The following CSMD1 variants were observed in gnomAD, a reference collection of about 807,000 sequenced individuals.
CSMD1 encodes the protein CUB and Sushi multiple domains 1.
CSMD1 carries 213 observed loss-of-function variants against 417.5 expected under a neutral mutation model. That is an observed-to-expected ratio of 0.51 (90% CI 0.46 to 0.57). CSMD1 has a LOEUF of 0.57. CSMD1 is among the 20% of genes least tolerant of loss of function. The probability of loss-of-function intolerance (pLI) is 0.00; values close to 1 mark genes in which losing one functional copy is unlikely to be tolerated. For synonymous variants in CSMD1, 2,862 were observed against 1,736.8 expected, an observed-to-expected ratio of 1.65 and a Z score of -16.11; for missense variants, 6,923 against 4,529.7, an observed-to-expected ratio of 1.53 and a Z score of -15.17.
chr8:4,111,293 G>A (rs1461771337), intron 3 of CSMD1, among the ~76,000 whole-genome samples: 1 of 152,108 alleles, frequency 6.6e-6, no homozygotes, highest in Non-Finnish European at 1.5e-5. Context: ...AATCTTATGA[G>A]CAGAAGAATC....
At chr8:3,899,418 T>A (rs1014996721) in intron 5 of CSMD1, among the ~76,000 whole-genome samples, 1 of 152,186 alleles carries the variant, frequency 6.6e-6, no homozygotes, top group Non-Finnish European at 1.5e-5. Context: ...TACTTCAACA[T>A]GTTGGCCACA....
intron 33 of CSMD1, among the ~76,000 whole-genome samples, chr8:3,197,069 A>G (rs182244294): frequency 1.3e-5 from 2 of 152,342 alleles, no homozygotes; most frequent in East Asian, 3.9e-4. Flanking sequence ...CAGCAATTGC[A>G]TAGAGTAACT....
intron 65 of CSMD1, among the ~76,000 whole-genome samples, chr8:2,953,712 C>G (rs930219369): frequency 6.6e-6 from 1 of 152,128 alleles, no homozygotes; most frequent in Non-Finnish European, 1.5e-5. Context: ...ATGCTTTTAG[C>G]AAAAGGTGCC....
chr8:3,613,533 T>A (rs193296460), intron 8 of CSMD1, among the ~76,000 whole-genome samples: 28 of 151,820 alleles, frequency 1.8e-4, no homozygotes, highest in Admixed American at 1.2e-3. Context: ...AATTCAACAA[T>A]CCATAAAAAG....
chr8:3,104,829 A>C (rs1407155236), intron 46 of CSMD1, among the ~76,000 whole-genome samples: 4 of 150,500 alleles, frequency 2.7e-5, no homozygotes, highest in Non-Finnish European at 4.4e-5. Context: ...TGACTCAGCC[A>C]CCTGAGTAGC....
intron 3 of CSMD1, among the ~76,000 whole-genome samples, chr8:4,075,848 C>A (rs141621184): frequency 6.6e-6 from 1 of 152,098 alleles, no homozygotes; most frequent in Admixed American, 6.6e-5. Flanking sequence ...AGGCTATTGT[C>A]CTCAGGGAGC....
At chr8:4,404,694 A>G (rs906282602) in intron 3 of CSMD1, among the ~76,000 whole-genome samples, 15 of 152,112 alleles carry the variant, frequency 9.9e-5, no homozygotes, top group Admixed American at 7.2e-4. Context: ...TGTTTATAAT[A>G]TTAATATTTA....
At chr8:4,302,042 C>T (rs1798005589) in intron 3 of CSMD1, among the ~76,000 whole-genome samples, 1 of 152,140 alleles carries the variant, frequency 6.6e-6, no homozygotes, top group Non-Finnish European at 1.5e-5. Flanking sequence ...TTTGAAATCC[C>T]TAATTTTTTC....
chr8:4,369,765 G>A (rs1305315126), intron 3 of CSMD1, among the ~76,000 whole-genome samples: 2 of 152,024 alleles, frequency 1.3e-5, no homozygotes, highest in African/African-American at 4.8e-5. Context: ...ACTCCTGTTT[G>A]TTCATTTTCT....
chr8:4,799,501 G>A (rs918897815), intron 1 of CSMD1, among the ~76,000 whole-genome samples: 4 of 148,504 alleles, frequency 2.7e-5, no homozygotes, highest in African/African-American at 7.4e-5. Context: ...CTAGAGCCTG[G>A]GGCAGGAGAA....
At chr8:3,934,295 G>A (rs1321150009) in intron 5 of CSMD1, among the ~76,000 whole-genome samples, 1 of 152,058 alleles carries the variant, frequency 6.6e-6, no homozygotes, top group Non-Finnish European at 1.5e-5. Context: ...GAACCAAAGT[G>A]CCTACTATGT....
At chr8:3,891,605 C>T (rs901588905) in intron 5 of CSMD1, among the ~76,000 whole-genome samples, 1 of 151,964 alleles carries the variant, frequency 6.6e-6, no homozygotes, top group Admixed American at 6.6e-5. Context: ...ATTGTTTGAG[C>T]CCAGGAGGTC....
At chr8:3,739,546 A>G (rs1014540641) in intron 6 of CSMD1, among the ~76,000 whole-genome samples, 1 of 152,188 alleles carries the variant, frequency 6.6e-6, no homozygotes, top group African/African-American at 2.4e-5. Flanking sequence ...GTCAATTGAA[A>G]AAAAGGGAAA....
At chr8:4,827,042 T>C (rs927708625) in intron 1 of CSMD1, among the ~76,000 whole-genome samples, 1 of 152,082 alleles carries the variant, frequency 6.6e-6, no homozygotes, top group Non-Finnish European at 1.5e-5. Context: ...TATCCATGGA[T>C]GGCTAACAGA....
At chr8:3,821,187 G>A (rs553362951) in intron 5 of CSMD1, among the ~76,000 whole-genome samples, 59 of 152,150 alleles carry the variant, frequency 3.9e-4, no homozygotes, top group Non-Finnish European at 6.3e-4. Flanking sequence ...CAAACTGTGG[G>A]GATTACAGGT....
At position 3,771,677 on chromosome 8, in the gene CSMD1, A is replaced by G. The variant is rs559442630; in HGVS notation, c.819-17635T>C. On this transcript the variant is annotated intron_variant, in intron 5 of 69. Coordinates refer to ENST00000635120, the MANE Select transcript of CSMD1 (RefSeq NM_033225.6). Reference sequence around the variant, plus strand: ...AGGAAGCAAAACACAGGAGGAAGAGAACGGAGAGGCCCCTAAAGACCTCGA... The same window carrying G: ...AGGAAGCAAAACACAGGAGGAAGAGGACGGAGAGGCCCCTAAAGACCTCGA... Among the ~76,000 whole-genome samples the G allele has an allele frequency of 4.5e-4, 69 of 152,288 alleles. 1 individual carries two copies. The highest frequency in any genetic ancestry group is 7.9e-4 in the Non-Finnish European group (54 of 68,030).
At chr8:3,649,382 A>T (rs1434712138) in intron 7 of CSMD1, among the ~76,000 whole-genome samples, 1 of 152,196 alleles carries the variant, frequency 6.6e-6, no homozygotes, top group Non-Finnish European at 1.5e-5. Context: ...ATTAAAATTC[A>T]TCTGTATTAG....
At chr8:3,110,096 G>A in intron 43 of CSMD1, 62 bp downstream of exon 43, 6 of 1,361,372 alleles carry the variant, frequency 4.4e-6, no homozygotes, top group Non-Finnish European at 6.0e-6. Flanking sequence ...AGTGGCATAT[G>A]TATGCTAAGT....
chr8:4,708,207 T>C (rs1382252), intron 1 of CSMD1, among the ~76,000 whole-genome samples: 140,099 of 152,248 alleles, frequency 0.92, 64,565 homozygotes, highest in East Asian at 0.99. Context: ...ACCTGGGCCT[T>C]CTAAAGTGCT....
Sources: gnomAD v4.1 joint callset for allele counts (sites outside exome capture counted in the v4.1 genomes callset) on GRCh38, gnomAD v4.1.1 for gene constraint, MANE v1.5 for transcripts, NCBI Gene and HGNC (gene_info 2026-07-23, HGNC 2026-07-21) for gene names.